The following GAREM1 variants were observed in gnomAD, a reference collection of about 807,000 sequenced individuals.
GAREM1 encodes GRB2-associated and regulator of MAPK protein 1.
GAREM1 carries 26 observed loss-of-function variants against 71.3 expected under a neutral mutation model. The observed-to-expected ratio is 0.36, with a 90% CI of 0.27 to 0.51. The LOEUF (loss-of-function observed/expected upper bound fraction) is 0.51. Among genes scored for constraint, GAREM1 ranks in the 20% least tolerant of loss-of-function variants. The probability of loss-of-function intolerance (pLI) is 0.95; values close to 1 mark genes in which losing one functional copy is unlikely to be tolerated. For missense variants in GAREM1, 1,026 were observed against 1,103.1 expected, an observed-to-expected ratio of 0.93 and a Z score of 0.99; for synonymous variants, 440 against 433.2, an observed-to-expected ratio of 1.02 and a Z score of -0.20.
At chr18:32,343,309 C>CGGTTTT (rs1567972123) in intron 2 of GAREM1, among the ~76,000 whole-genome samples, 1 of 141,272 alleles carries the variant, frequency 7.1e-6, no homozygotes, top group Non-Finnish European at 1.5e-5. Flanking sequence ...CTCTCCCCCA[C>CGGTTTT]TGTTTTTTTT....
chr18:32,429,486 C>G (rs149774112), intron 1 of GAREM1, among the ~76,000 whole-genome samples: 1 of 152,296 alleles, frequency 6.6e-6, no homozygotes, highest in Non-Finnish European at 1.5e-5. Flanking sequence ...TCTAACAAAA[C>G]AAATCCTTTA....
intron 2 of GAREM1, among the ~76,000 whole-genome samples, chr18:32,388,707 A>T (rs2048169826): frequency 6.6e-6 from 1 of 152,206 alleles, no homozygotes; most frequent in South Asian, 2.1e-4. Context: ...TGTATTCTTT[A>T]AAAAATGTCT....
chr18:32,275,978 G>T (rs1406848291), intron 4 of GAREM1, among the ~76,000 whole-genome samples: 1 of 152,170 alleles, frequency 6.6e-6, no homozygotes, highest in Non-Finnish European at 1.5e-5. Context: ...CCTGGCCTAA[G>T]TCTGTCTCTT....
intron 2 of GAREM1, among the ~76,000 whole-genome samples, chr18:32,387,120 T>C (rs982734905): frequency 2.8e-5 from 4 of 141,056 alleles, no homozygotes; most frequent in African/African-American, 1.2e-4. Flanking sequence ...ACACCAGCTT[T>C]AGGTAACCAA....
intron 4 of GAREM1, among the ~76,000 whole-genome samples, chr18:32,285,520 C>T (rs1195550092): frequency 1.3e-5 from 2 of 152,224 alleles, no homozygotes; most frequent in African/African-American, 4.8e-5. Context: ...GCTCGTTGCT[C>T]ATGCTGCTCT....
At chr18:32,383,638 GT>G (rs1201085076) in intron 2 of GAREM1, among the ~76,000 whole-genome samples, 1 of 152,196 alleles carries the variant, frequency 6.6e-6, no homozygotes. Flanking sequence ...CAGGCAGCTT[GT>G]TTAAACTTTC....
Position 32,287,256 on chromosome 18 carries a change from T to C in GAREM1, c.1341A>G (p.Gly447=). The C allele has an allele frequency of 1.2e-6, 2 of 1,614,212 alleles. No homozygotes were observed. The highest frequency in any genetic ancestry group is 1.7e-6 in the Non-Finnish European group (2 of 1,180,032). Residue 447 remains glycine, a synonymous_variant, in exon 4 of 6, where the codon GGA becomes GGG. Coordinates refer to ENST00000269209, the MANE Select transcript of GAREM1 (RefSeq NM_001242409.2). This position sits in a 1 kb window ranked among gnomAD's most constrained non-coding sequence, Gnocchi z 5.9. ...EASEESAGIP[G]KSELPYEELW... ...GCTCTTCGTAGGGAAGTTCTGACTTTCCCGGGATGCCTGCTGATTCTTCAC... is the reference window on the plus strand; with the variant it reads ...GCTCTTCGTAGGGAAGTTCTGACTTCCCCGGGATGCCTGCTGATTCTTCAC...
chr18:32,396,824 C>T (rs1194502971), intron 1 of GAREM1, among the ~76,000 whole-genome samples: 5 of 151,980 alleles, frequency 3.3e-5, no homozygotes, highest in East Asian at 1.9e-4. Context: ...AGATACTCCT[C>T]GAGAAGAGCA....
intron 2 of GAREM1, among the ~76,000 whole-genome samples, chr18:32,363,833 A>C (rs73958405): frequency 0.1 from 15,333 of 150,432 alleles, 1,401 homozygotes; most frequent in African/African-American, 0.24. Flanking sequence ...ACAGGAGAAA[A>C]CCTTGCCACA....
intron 1 of GAREM1, among the ~76,000 whole-genome samples, chr18:32,397,737 CAGAT>C (rs1326066825): frequency 6.6e-6 from 1 of 152,160 alleles, no homozygotes; most frequent in Non-Finnish European, 1.5e-5. Context: ...CAACATTAGA[CAGAT>C]AGAGACAGAA....
Position 32,393,047 on chromosome 18 carries a change from A to G in GAREM1, c.122-12T>C. 1 of 1,605,580 alleles carries G rather than the reference A, an allele frequency of 6.2e-7. No homozygotes were observed. The highest frequency in any genetic ancestry group is 8.5e-7 in the Non-Finnish European group (1 of 1,174,388). On this transcript the variant is annotated splice_polypyrimidine_tract_variant and intron_variant, in intron 1 of 5. Coordinates refer to ENST00000269209, the MANE Select transcript of GAREM1 (RefSeq NM_001242409.2). Reference sequence around the variant, plus strand: ...TTCTACGCACTCTCCTAGGAAATACAATTTTATATGAGAAACTTAGAATTC... The same window carrying G: ...TTCTACGCACTCTCCTAGGAAATACGATTTTATATGAGAAACTTAGAATTC...
chr18:32,348,622 G>A (rs571918351), intron 2 of GAREM1, among the ~76,000 whole-genome samples: 2 of 152,246 alleles, frequency 1.3e-5, no homozygotes, highest in African/African-American at 4.8e-5. Context: ...TACTGAGGAG[G>A]CTGAGGCAGG....
intron 4 of GAREM1, among the ~76,000 whole-genome samples, chr18:32,272,222 CT>C (rs1261155380): frequency 6.6e-6 from 1 of 152,224 alleles, no homozygotes; most frequent in African/African-American, 2.4e-5. Flanking sequence ...GCCTGATTCA[CT>C]TGCCAGAGAA....
intron 1 of GAREM1, among the ~76,000 whole-genome samples, chr18:32,397,159 G>A (rs2048265517): frequency 6.6e-6 from 1 of 152,084 alleles, no homozygotes; most frequent in Non-Finnish European, 1.5e-5. Context: ...GAAGCACTAA[G>A]CATGTAAAGG....
intron 2 of GAREM1, among the ~76,000 whole-genome samples, chr18:32,351,646 TA>T (rs1779441100): frequency 6.6e-6 from 1 of 151,382 alleles, no homozygotes; most frequent in African/African-American, 2.4e-5. Flanking sequence ...ATAAATATTC[TA>T]AAAAATATAC....
chr18:32,397,188 C>A (rs187603823), intron 1 of GAREM1, among the ~76,000 whole-genome samples: 1 of 152,306 alleles, frequency 6.6e-6, no homozygotes, highest in Admixed American at 6.5e-5. Context: ...GTACCAGCCA[C>A]TGCAAAAACA....
chr18:32,422,133 TC>T (rs1568005401), intron 1 of GAREM1, among the ~76,000 whole-genome samples: 2 of 151,912 alleles, frequency 1.3e-5, no homozygotes, highest in South Asian at 2.1e-4. Flanking sequence ...ATGCTATCCC[TC>T]CCCCCTTCCC....
chr18:32,456,053 T>C (rs1354992148), intron 1 of GAREM1, among the ~76,000 whole-genome samples: 3 of 152,124 alleles, frequency 2.0e-5, no homozygotes, highest in African/African-American at 7.2e-5. Context: ...CTACAAAATC[T>C]TAGAGACTAC....
chr18:32,443,247 T>C (rs560560122), intron 1 of GAREM1, among the ~76,000 whole-genome samples: 48 of 152,314 alleles, frequency 3.2e-4, no homozygotes, highest in African/African-American at 9.9e-4. Context: ...TGGTTTCTTA[T>C]GTGTAAAATC....
Sources: allele counts gnomAD v4.1 joint callset (sites outside exome capture counted in the v4.1 genomes callset), GRCh38; gene constraint gnomAD v4.1.1; non-coding constraint Gnocchi (gnomAD v3.1); transcripts MANE v1.5; gene names NCBI Gene and HGNC (gene_info 2026-07-23, HGNC 2026-07-21).